TCEANC2: variants seen among roughly 807,000 people sequenced by gnomAD.
The protein encoded by TCEANC2 is transcription elongation factor A N-terminal and central domain-containing protein 2.
In TCEANC2, 20 loss-of-function variants were observed where a neutral mutation model predicts 22.8. The observed-to-expected ratio is 0.88, with a 90% CI of 0.62 to 1.28. The LOEUF is 1.28. TCEANC2 is among the 50% of genes most tolerant of loss of function. TCEANC2 has a pLI of 0.00. For missense variants in TCEANC2, 251 were observed against 249.7 expected (o/e 1.01, Z -0.03); for synonymous variants, 84 against 95.5 (o/e 0.88, Z 0.70).
intron 3 of TCEANC2, among the ~76,000 whole-genome samples, chr1:54,083,009 G>A (rs533145667): frequency 3.3e-5 from 5 of 152,280 alleles, no homozygotes; most frequent in South Asian, 4.1e-4. Context: ...TGGAGAACAG[G>A]CGAGGAGGAA....
chr1:54,066,649 T>G (rs17109699), intron 2 of TCEANC2, among the ~76,000 whole-genome samples: 9 of 152,186 alleles, frequency 5.9e-5, no homozygotes, highest in Non-Finnish European at 1.2e-4. Context: ...CTATCCAATA[T>G]TATTAAAACA....
In TCEANC2 at chr1:54,066,082, C is replaced by T. The variant is rs1657949564; in HGVS notation, c.103-2674C>T. ...TGGGCGACAGAACAAGACTTCTTCTCAGAAACAACAACAACAAAAATTAGC... is the reference window on the plus strand; with the variant it reads ...TGGGCGACAGAACAAGACTTCTTCTTAGAAACAACAACAACAAAAATTAGC... On this transcript the variant is annotated intron_variant, in intron 2 of 4. Transcript: ENST00000234827. 1.3e-5 allele frequency among the ~76,000 whole-genome samples: 2 copies of T among 151,586 alleles called. 1 individual carries two copies. The highest frequency in any genetic ancestry group is 4.2e-4 in the South Asian group (2 of 4,798).
intron 3 of TCEANC2, among the ~76,000 whole-genome samples, chr1:54,074,870 A>G (rs1658119127): frequency 6.6e-6 from 1 of 152,220 alleles, no homozygotes; most frequent in Non-Finnish European, 1.5e-5. Flanking sequence ...ATTGAAAGAA[A>G]AGAGAGGTGA....
chr1:54,082,892 A>G (rs1658272952), intron 3 of TCEANC2, among the ~76,000 whole-genome samples: 4 of 152,190 alleles, frequency 2.6e-5, no homozygotes, highest in Admixed American at 2.6e-4. Flanking sequence ...TGCCTTCAGT[A>G]GAGAGGATGA....
At chr1:54,074,119 C>G (rs1658104230) in intron 3 of TCEANC2, among the ~76,000 whole-genome samples, 1 of 152,100 alleles carries the variant, frequency 6.6e-6, no homozygotes, top group South Asian at 2.1e-4. Flanking sequence ...AAGATTGTAA[C>G]TATATACTGG....
chr1:54,085,369 T>C (rs1199932223), intron 3 of TCEANC2, among the ~76,000 whole-genome samples: 2 of 152,254 alleles, frequency 1.3e-5, no homozygotes, highest in Admixed American at 6.5e-5. Flanking sequence ...ATTTTCTAAA[T>C]GTTTTGACCA....
At chr1:54,068,669 T>A (rs1434312105) in intron 2 of TCEANC2, 87 bp from the exon 3 acceptor site, 1 of 1,358,814 alleles carries the variant, frequency 7.4e-7, no homozygotes, top group African/African-American at 1.5e-5. Flanking sequence ...AATTCATATG[T>A]CAATAGGAGC....
At chr1:54,058,841 G>A (rs1390275459) in intron 2 of TCEANC2, among the ~76,000 whole-genome samples, 1 of 152,112 alleles carries the variant, frequency 6.6e-6, no homozygotes, top group Non-Finnish European at 1.5e-5. Flanking sequence ...ATTTTTAGTA[G>A]AGACGGGGTT....
intron 3 of TCEANC2, among the ~76,000 whole-genome samples, chr1:54,082,830 G>A (rs1273288599): frequency 6.6e-6 from 1 of 152,126 alleles, no homozygotes. Flanking sequence ...ACCATCGGAG[G>A]ATTTTTATTA....
At position 54,104,699 on chromosome 1, in the gene TCEANC2, G is replaced by A. The variant is rs1658719370; in HGVS notation, c.*8226G>A. 2.3e-6 allele frequency: 1 copy of A among 434,432 alleles called. No homozygotes were observed. Among genetic ancestry groups the A allele is most frequent in the Non-Finnish European group, 4.7e-6 (1 of 213,254 alleles). The allele number at this position is 434,432 out of a possible 1,614,324, so 26.9% of individuals were successfully genotyped here. On this transcript the variant is annotated 3_prime_UTR_variant, in exon 5 of 5. Transcript: ENST00000234827. The stretch of plus-strand genomic sequence containing the variant: ...TGGGATTACAGGCATGTGCCACCAT[G>A]CCCAGCTGATTTTTGTATTTTTAGT...
At chr1:54,088,348 G>A (rs1278984271) in intron 3 of TCEANC2, among the ~76,000 whole-genome samples, 9 of 151,920 alleles carry the variant, frequency 5.9e-5, no homozygotes, top group Non-Finnish European at 1.3e-4. Context: ...TACCTTTGTT[G>A]TTCTTTTTAA....
intron 3 of TCEANC2, among the ~76,000 whole-genome samples, chr1:54,088,210 C>A (rs1322830974): frequency 6.6e-6 from 1 of 152,146 alleles, no homozygotes; most frequent in Non-Finnish European, 1.5e-5. Flanking sequence ...CATTTATTAG[C>A]TAAATAATAT....
chr1:54,081,963 G>A (rs1181422706), intron 3 of TCEANC2, among the ~76,000 whole-genome samples: 4 of 152,222 alleles, frequency 2.6e-5, no homozygotes, highest in African/African-American at 9.7e-5. Flanking sequence ...GTGAATAACA[G>A]TATCTCAATA....
In TCEANC2 at chr1:54,106,082, A is replaced by G. The variant is rs1441381033; in HGVS notation, c.*9609A>G. Reference sequence around the variant, plus strand: ...TTCCAATAAAACTTTATTTACAAAAACAGGTGGTGGGCTGCATTTGGTTCA... The same window carrying G: ...TTCCAATAAAACTTTATTTACAAAAGCAGGTGGTGGGCTGCATTTGGTTCA... On this transcript the variant is annotated 3_prime_UTR_variant, in exon 5 of 5. Coordinates refer to ENST00000234827, the MANE Select transcript of TCEANC2 (RefSeq NM_153035.3). 3.3e-5 allele frequency: 5 copies of G among 152,232 alleles called. No homozygotes were observed. The highest frequency in any genetic ancestry group is 1.2e-4 in the African/African-American group (5 of 41,460). 9.4% of individuals were successfully genotyped at this position (152,232 alleles called of 1,614,324 possible). A position where few individuals can be genotyped will look rare whatever the true frequency, so the allele number is the denominator to read the frequency against.
chr1:54,063,126 T>C (rs1440488749), intron 2 of TCEANC2, among the ~76,000 whole-genome samples: 1 of 152,184 alleles, frequency 6.6e-6, no homozygotes, highest in Non-Finnish European at 1.5e-5. Flanking sequence ...GCTTAGGGGC[T>C]GGGATTTTAA....
rs918253473 is a variant in TCEANC2, at chr1:54,096,723, C to T, written c.*250C>T. 3 of 1,195,292 alleles carry T rather than the reference C, an allele frequency of 2.5e-6. No homozygotes were observed. The highest frequency in any genetic ancestry group is 2.1e-6 in the Non-Finnish European group (2 of 952,084). The allele number at this position is 1,195,292 out of a possible 1,614,324, so 74.0% of individuals were successfully genotyped here. A position where few individuals can be genotyped will look rare whatever the true frequency, so the allele number is the denominator to read the frequency against. Reference sequence around the variant, plus strand: ...CTGGCTGTCACTAGGAAGCGCCATACGGTTGCTATCACCCAACATGGTGAA... The same window carrying T: ...CTGGCTGTCACTAGGAAGCGCCATATGGTTGCTATCACCCAACATGGTGAA... On this transcript the variant is annotated 3_prime_UTR_variant, in exon 5 of 5. Coordinates refer to ENST00000234827, the MANE Select transcript of TCEANC2 (RefSeq NM_153035.3). The surrounding 1 kb of genome is among the most constrained non-coding windows in gnomAD (Gnocchi z 4.9).
At chr1:54,093,979 A>G (rs1387193270) in intron 4 of TCEANC2, among the ~76,000 whole-genome samples, 1 of 152,154 alleles carries the variant, frequency 6.6e-6, no homozygotes, top group African/African-American at 2.4e-5. Flanking sequence ...CAGCTTCCTA[A>G]AGTAGTCTGG....
chr1:54,086,818 C>G (rs1347699769), intron 3 of TCEANC2, among the ~76,000 whole-genome samples: 1 of 152,106 alleles, frequency 6.6e-6, no homozygotes, highest in Non-Finnish European at 1.5e-5. Flanking sequence ...TTAAGGGGTA[C>G]CAAACTTAGC....
At chr1:54,059,586 C>T (rs1657813061) in intron 2 of TCEANC2, among the ~76,000 whole-genome samples, 1 of 152,104 alleles carries the variant, frequency 6.6e-6, no homozygotes, top group African/African-American at 2.4e-5. Flanking sequence ...GGAGTTAATC[C>T]TTCCCTCATT....
Sources: gnomAD v4.1 joint callset for allele counts (sites outside exome capture counted in the v4.1 genomes callset) on GRCh38, gnomAD v4.1.1 for gene constraint, Gnocchi (gnomAD v3.1) non-coding constraint, MANE v1.5 for transcripts, NCBI Gene and HGNC (gene_info 2026-07-23, HGNC 2026-07-21) for gene names.